Variants in BUB1B observed in about 807,000 individuals in gnomAD.
BUB1B encodes the protein BUB1 mitotic checkpoint serine/threonine kinase B, also known as mitotic checkpoint serine/threonine-protein kinase BUB1 beta.
Under a neutral mutation model 137.7 loss-of-function variants are expected in BUB1B, and 86 were observed. The ratio of observed to expected loss-of-function variants is 0.62; its 90% CI spans 0.52 to 0.75. The LOEUF is 0.75. BUB1B is among the 30% of genes least tolerant of loss of function. BUB1B has a pLI of 0.00. For synonymous variants in BUB1B, 420 were observed against 417.9 expected, an observed-to-expected ratio of 1.00 and a Z score of -0.06; for missense variants, 1,130 against 1,236.9, an observed-to-expected ratio of 0.91 and a Z score of 1.30.
At chr15:40,210,519 C>T (rs2037697536) in intron 18 of BUB1B, among the ~76,000 whole-genome samples, 1 of 151,976 alleles carries the variant, frequency 6.6e-6, no homozygotes, top group South Asian at 2.1e-4. Context: ...TTCTTTTTAT[C>T]TTTGTTTTTT....
intron 5 of BUB1B, 53 bp from the exon 6 acceptor site, chr15:40,183,661 G>C (rs937462481): frequency 6.4e-7 from 1 of 1,569,806 alleles, no homozygotes; most frequent in Non-Finnish European, 8.8e-7. Context: ...GAAATTTTGA[G>C]TCTGGTAAAA....
At chr15:40,183,143 C>T (rs1379946057) in intron 5 of BUB1B, among the ~76,000 whole-genome samples, 1 of 152,150 alleles carries the variant, frequency 6.6e-6, no homozygotes. Flanking sequence ...TGGAGAATCT[C>T]TTCTGATAAT....
In BUB1B at chr15:40,202,543, T is replaced by G. The variant is rs369959981; in HGVS notation, c.1629-46T>G. On this transcript the variant is annotated intron_variant, in intron 13 of 22. Coordinates refer to ENST00000287598, the MANE Select transcript of BUB1B (RefSeq NM_001211.6). ...ATTATAAGTGAGGATAAATTAGGGG[T>G]TACTGTTATGAAAAAAATTGCTAAG... The G allele has an allele frequency of 1.6e-5, 26 of 1,599,384 alleles. No individual in the cohort carries two copies. In the East Asian group the frequency reaches 3.3e-4, roughly 21 times the overall value.
intron 22 of BUB1B, among the ~76,000 whole-genome samples, 179 bp from the exon 23 acceptor site, chr15:40,220,385 G>C (rs1375929946): frequency 6.6e-6 from 1 of 152,078 alleles, no homozygotes; most frequent in Non-Finnish European, 1.5e-5. Context: ...CACTATGGTA[G>C]CCCTTTTTTG....
At position 40,206,464 on chromosome 15, in the gene BUB1B, TG is replaced by T; in HGVS notation, c.2009+10del. The T allele has an allele frequency of 1.2e-6, 2 of 1,614,090 alleles. No individual in the cohort carries two copies. The highest frequency in any genetic ancestry group is 1.7e-6 in the Non-Finnish European group (2 of 1,180,002). ...CTCAGCATCAAGAAGCTGAGGTGAT[TG>T]GGGATTTACAGGTTTTACAAACCAG... is the stretch of plus-strand genomic sequence containing the variant. On this transcript the variant is annotated splice_region_variant and intron_variant, in intron 15 of 22. Transcript: ENST00000287598.
At chr15:40,206,540 T>G in intron 15 of BUB1B, 82 bp downstream of exon 15, 1 of 1,568,312 alleles carries the variant, frequency 6.4e-7, no homozygotes, top group South Asian at 1.1e-5. Flanking sequence ...AGTAATCAGT[T>G]ATCAAGTTCT....
Position 40,185,561 on chromosome 15 carries a change from A to G in BUB1B, c.977A>G (p.Asn326Ser), listed in dbSNP as rs774654439. The G allele has an allele frequency of 5.6e-6, 9 of 1,614,064 alleles. No homozygotes were observed. The East Asian group carries it at 6.7e-5, about 12-fold the overall frequency. ...GRSLEHRPRG[N>S]TASLIAVPAV... ...CTTCTTCATCTCCAGCCTCGTGGCAATACAGCTTCACTGATAGCTGTACCC... is the reference window on the plus strand; with the variant it reads ...CTTCTTCATCTCCAGCCTCGTGGCAGTACAGCTTCACTGATAGCTGTACCC... The change falls in exon 8 of 23, where the codon AAT becomes AGT. Residue 326 changes from asparagine (N) to serine (S), a missense_variant. Physicochemically the swap from Asn to Ser is conservative, Grantham distance 46. Coordinates refer to ENST00000287598, the MANE Select transcript of BUB1B (RefSeq NM_001211.6).
At chr15:40,213,221 G>C in intron 19 of BUB1B, 111 bp from the exon 20 acceptor site, 7 of 1,189,160 alleles carry the variant, frequency 5.9e-6, no homozygotes, top group Admixed American at 1.8e-5. Flanking sequence ...AGGTGCCTAC[G>C]TTCCAGTAGA....
intron 14 of BUB1B, among the ~76,000 whole-genome samples, chr15:40,203,130 A>T (rs1448708761): frequency 6.6e-6 from 1 of 152,106 alleles, no homozygotes; most frequent in African/African-American, 2.4e-5. Context: ...CGTATTACTC[A>T]TGATAGTGGA....
intron 9 of BUB1B, among the ~76,000 whole-genome samples, chr15:40,199,373 A>G (rs2037535682): frequency 1.3e-5 from 2 of 152,374 alleles, no homozygotes; most frequent in Non-Finnish European, 1.5e-5. Flanking sequence ...TGCTTGGCAC[A>G]TAGTAGGTAT....
At chr15:40,184,070 T>C (rs937366922) in intron 6 of BUB1B, among the ~76,000 whole-genome samples, 187 bp downstream of exon 6, 1 of 152,238 alleles carries the variant, frequency 6.6e-6, no homozygotes, top group Non-Finnish European at 1.5e-5. Flanking sequence ...AGTAATTTTG[T>C]GTCTTAATTA....
intron 8 of BUB1B, among the ~76,000 whole-genome samples, chr15:40,192,922 G>T (rs964971539): frequency 1.3e-4 from 20 of 152,214 alleles, no homozygotes; most frequent in Admixed American, 1.3e-3. Flanking sequence ...CATGATCCTG[G>T]CTCACTGCAG....
At chr15:40,179,349 T>C (rs2037257553) in intron 5 of BUB1B, among the ~76,000 whole-genome samples, 1 of 152,210 alleles carries the variant, frequency 6.6e-6, no homozygotes, top group African/African-American at 2.4e-5. Flanking sequence ...ACCTTCTGGC[T>C]ATTACAAAAT....
chr15:40,211,150 A>T (rs982975880), intron 18 of BUB1B, among the ~76,000 whole-genome samples: 8 of 151,880 alleles, frequency 5.3e-5, no homozygotes, highest in African/African-American at 1.9e-4. Context: ...TTTTTACTTT[A>T]CTTTCTGAGT....
chr15:40,202,025 A>G (rs112336104), intron 12 of BUB1B, among the ~76,000 whole-genome samples: 22 of 152,258 alleles, frequency 1.4e-4, no homozygotes, highest in African/African-American at 5.1e-4. Flanking sequence ...TTGATATTAT[A>G]TATATATTCA....
intron 9 of BUB1B, among the ~76,000 whole-genome samples, chr15:40,197,409 ATGGGC>A (rs1366855262): frequency 2.6e-5 from 4 of 152,152 alleles, no homozygotes; most frequent in Non-Finnish European, 5.9e-5. Context: ...GTAGGGCAGA[ATGGGC>A]TGGAAAGTAG....
intron 11 of BUB1B, 151 bp downstream of exon 11, chr15:40,200,510 T>C: frequency 1.6e-6 from 1 of 642,320 alleles, no homozygotes. Flanking sequence ...TTGATGCTGA[T>C]GAGGGAGGAC....
At chr15:40,216,789 G>A (rs964846016) in intron 20 of BUB1B, among the ~76,000 whole-genome samples, 4 of 151,246 alleles carry the variant, frequency 2.6e-5, no homozygotes, top group Non-Finnish European at 5.9e-5. Flanking sequence ...ACAGACAAAA[G>A]GAACACATGA....
At chr15:40,209,900 T>C (rs1306425051) in intron 17 of BUB1B, 125 bp downstream of exon 17, 11 of 1,249,738 alleles carry the variant, frequency 8.8e-6, no homozygotes, top group South Asian at 2.5e-5. Flanking sequence ...AAAAGCAATA[T>C]AGAGGATGAC....
Sources: gnomAD v4.1 joint callset for allele counts (sites outside exome capture counted in the v4.1 genomes callset) on GRCh38, gnomAD v4.1.1 for gene constraint, MANE v1.5 for transcripts, NCBI Gene and HGNC (gene_info 2026-07-23, HGNC 2026-07-21) for gene names.